SIAE: variants seen among roughly 807,000 people sequenced by gnomAD.
SIAE encodes sialic acid acetylesterase, also known as sialate O-acetylesterase.
SIAE carries 39 observed loss-of-function variants against 52.6 expected under a neutral mutation model. The observed-to-expected ratio is 0.74, with a 90% CI of 0.57 to 0.97. The LOEUF is 0.97. SIAE is among the 50% of genes least tolerant of loss of function. SIAE has a pLI of 0.00. For synonymous variants in SIAE, 233 were observed against 241.4 expected (o/e 0.97, Z 0.32); for missense variants, 592 against 662.1 (o/e 0.89, Z 1.16).
In SIAE at chr11:124,644,351, G is replaced by GAAAAA. The variant is rs766691334; in HGVS notation, c.966+3013_966+3014insTTTTT. Among the ~76,000 whole-genome samples, 73 of 98,952 alleles carry GAAAAA rather than the reference G, an allele frequency of 7.4e-4. 3 individuals are homozygous for GAAAAA. Among genetic ancestry groups the GAAAAA allele is most frequent in the African/African-American group, 1.9e-3 (49 of 25,136 alleles). 64.9% of individuals were successfully genotyped at this position (98,952 alleles called of 152,430 possible). On this transcript the variant is annotated intron_variant, in intron 7 of 9. Coordinates refer to ENST00000263593, the MANE Select transcript of SIAE (RefSeq NM_170601.5). ...AACGCCACAGGAAAGAGTCTGTGGT[G>GAAAAA]AGAAAAAAAAAAAAAAAAAAAAACT...
In SIAE at chr11:124,633,170, T is replaced by C. The variant is rs1402150623; in HGVS notation, c.*3781A>G. On this transcript the variant is annotated 3_prime_UTR_variant, in exon 10 of 10. Transcript: ENST00000263593. ...CACCTCAGATAATGTGCTTTTTAGCTCAGTACACTGAAACCATATGATAAC... is the reference window on the plus strand; with the variant it reads ...CACCTCAGATAATGTGCTTTTTAGCCCAGTACACTGAAACCATATGATAAC... The C allele has an allele frequency of 6.6e-6, 1 of 152,230 alleles. No homozygotes were observed. The highest frequency in any genetic ancestry group is 1.5e-5 in the Non-Finnish European group (1 of 68,048). The allele number at this position is 152,230 out of a possible 1,614,324, so 9.4% of individuals were successfully genotyped here.
At chr11:124,653,652 A>G (rs1943050105) in intron 4 of SIAE, among the ~76,000 whole-genome samples, 1 of 152,238 alleles carries the variant, frequency 6.6e-6, no homozygotes. Context: ...GAGTGAACAC[A>G]GGGAAAGGCA....
upstream of SIAE, chr11:124,675,047 G>A: frequency 2.1e-6 from 1 of 472,178 alleles, no homozygotes; most frequent in Non-Finnish European, 3.6e-6. Flanking sequence ...ATGGGTCTGT[G>A]TTTGTATTAT....
chr11:124,675,564 T>C (rs544868583), upstream of SIAE: 62 of 762,750 alleles, frequency 8.1e-5, no homozygotes, highest in Non-Finnish European at 6.2e-6. Flanking sequence ...TTTGAAACAG[T>C]ATGTACCTCT....
intron 4 of SIAE, among the ~76,000 whole-genome samples, chr11:124,652,930 T>C (rs1465575800): frequency 6.6e-6 from 1 of 152,202 alleles, no homozygotes; most frequent in Non-Finnish European, 1.5e-5. Flanking sequence ...TCCTGTGATA[T>C]CCACATTTAT....
chr11:124,640,986 C>A (rs555691597), intron 7 of SIAE, among the ~76,000 whole-genome samples: 1 of 152,286 alleles, frequency 6.6e-6, no homozygotes, highest in East Asian at 1.9e-4. Context: ...CCCAGCTCCC[C>A]AGACAAGAGC....
intron 7 of SIAE, 82 bp downstream of exon 7, chr11:124,647,283 C>T: frequency 6.3e-7 from 1 of 1,582,404 alleles, no homozygotes; most frequent in Non-Finnish European, 8.7e-7. Context: ...AGCACATCCC[C>T]ACACCAATGC....
Position 124,648,035 on chromosome 11 carries a change from A to G in SIAE, c.832+31T>C, listed in dbSNP as rs901740130. ...TGTTATACAGCAAACGCTATCTGAT[A>G]CAATGGAGAAAGAGTACACTGAACA... On this transcript the variant is annotated intron_variant, in intron 6 of 9. Transcript: ENST00000263593. The G allele has an allele frequency of 3.3e-6, 5 of 1,525,508 alleles. No individual in the cohort carries two copies. In the South Asian group the frequency reaches 4.5e-5, roughly 14 times the overall value. The allele number at this position is 1,525,508 out of a possible 1,614,324, so 94.5% of individuals were successfully genotyped here.
At chr11:124,675,109 G>A, upstream of SIAE, 1 of 867,652 alleles carries the variant, frequency 1.2e-6, no homozygotes, top group South Asian at 1.9e-5. Flanking sequence ...GGATGGGCTT[G>A]GGTTGTGTTA....
chr11:124,654,041 G>GTGGCTGGTGCCT (rs1943057736), intron 4 of SIAE: 1 of 169,496 alleles, frequency 5.9e-6, no homozygotes, highest in Non-Finnish European at 1.2e-5. Flanking sequence ...GCTGAGCGTG[G>GTGGCTGGTGCCT]TGGCTGGTGC....
intron 4 of SIAE, among the ~76,000 whole-genome samples, chr11:124,653,282 C>T (rs939739365): frequency 1.3e-5 from 2 of 152,138 alleles, no homozygotes; most frequent in African/African-American, 2.4e-5. Flanking sequence ...AGAACAGTGT[C>T]GAGCACATAG....
chr11:124,635,109 A>T lies in SIAE; in HGVS notation c.*1842T>A, dbSNP rs1394487815. On this transcript the variant is annotated 3_prime_UTR_variant, in exon 10 of 10. Coordinates refer to ENST00000263593, the MANE Select transcript of SIAE (RefSeq NM_170601.5). Reference sequence around the variant, plus strand: ...GTTCCTGGAGGTGAAAGGAATCTGGACTTAGAGTTCTTGGCTACCTCTGGC... The same window carrying T: ...GTTCCTGGAGGTGAAAGGAATCTGGTCTTAGAGTTCTTGGCTACCTCTGGC... 1.3e-5 allele frequency: 2 copies of T among 152,174 alleles called. No homozygotes were observed. Among genetic ancestry groups the T allele is most frequent in the East Asian group, 1.9e-4 (1 of 5,194 alleles). 9.4% of individuals were successfully genotyped at this position (152,174 alleles called of 1,614,324 possible).
At chr11:124,667,541 A>G (rs913150258) in intron 2 of SIAE, among the ~76,000 whole-genome samples, 37 of 152,222 alleles carry the variant, frequency 2.4e-4, no homozygotes, top group African/African-American at 7.7e-4. Context: ...TCAGTTTTGT[A>G]TACTGATAAA....
In SIAE at chr11:124,634,910, A is replaced by T. The variant is rs896207011; in HGVS notation, c.*2041T>A. ...TTACTTGCTTATACTTTAGTGTCCA[A>T]ATTTTCTACAGTGACTATAAATTTC... is the stretch of plus-strand genomic sequence containing the variant. On this transcript the variant is annotated 3_prime_UTR_variant, in exon 10 of 10. Coordinates refer to ENST00000263593, the MANE Select transcript of SIAE (RefSeq NM_170601.5). 1 of 152,190 alleles carries T rather than the reference A, an allele frequency of 6.6e-6. No homozygotes were observed. Among genetic ancestry groups the T allele is most frequent in the Non-Finnish European group, 1.5e-5 (1 of 68,026 alleles). 9.4% of individuals were successfully genotyped at this position (152,190 alleles called of 1,614,324 possible).
At chr11:124,663,608 C>T (rs1344613790) in intron 2 of SIAE, among the ~76,000 whole-genome samples, 1 of 152,134 alleles carries the variant, frequency 6.6e-6, no homozygotes, top group Non-Finnish European at 1.5e-5. Flanking sequence ...TAAGGATTTA[C>T]TCCTATGTAA....
chr11:124,638,491 T>C (rs763119588), intron 9 of SIAE, 51 bp downstream of exon 9: 2 of 1,589,246 alleles, frequency 1.3e-6, no homozygotes, highest in South Asian at 2.2e-5. Flanking sequence ...GCGGAGGAAA[T>C]CTTGACTCCA....
rs1214513521 is a variant in SIAE, at chr11:124,635,378, A to G, written c.*1573T>C. On this transcript the variant is annotated 3_prime_UTR_variant, in exon 10 of 10. Transcript: ENST00000263593. ...ATTTTTTGTTTTTTAACTAAATAAA[A>G]TCTTGGCACTGACAAAGTTATTCCT... 6.6e-6 allele frequency: 1 copy of G among 152,144 alleles called. No homozygotes were observed. Among genetic ancestry groups the G allele is most frequent in the African/African-American group, 2.4e-5 (1 of 41,418 alleles). The allele number at this position is 152,144 out of a possible 1,614,324, so 9.4% of individuals were successfully genotyped here. A position where few individuals can be genotyped will look rare whatever the true frequency, so the allele number is the denominator to read the frequency against.
intron 3 of SIAE, among the ~76,000 whole-genome samples, chr11:124,656,531 G>C (rs1012592731): frequency 1.3e-5 from 2 of 152,134 alleles, no homozygotes; most frequent in African/African-American, 4.8e-5. Context: ...GAGAGGAGTG[G>C]CTTAGGGTTT....
At chr11:124,648,246 A>C (rs972966947) in intron 5 of SIAE, 71 bp from the exon 6 acceptor site, 63 of 1,103,266 alleles carry the variant, frequency 5.7e-5, no homozygotes, top group Middle Eastern at 2.0e-4. Flanking sequence ...CTAATTGGTC[A>C]TCTATCCACT....
Sources: gnomAD v4.1 joint callset for allele counts (sites outside exome capture counted in the v4.1 genomes callset) on GRCh38, gnomAD v4.1.1 for gene constraint, MANE v1.5 for transcripts, NCBI Gene and HGNC (gene_info 2026-07-23, HGNC 2026-07-21) for gene names.